Variants in XXYLT1 observed in about 807,000 individuals in gnomAD.
XXYLT1 encodes the protein UDP-xylose:alpha-xyloside alpha-1,3-xylosyltransferase.
XXYLT1 carries 20 observed loss-of-function variants against 28.9 expected under a neutral mutation model. The ratio of observed to expected loss-of-function variants is 0.69; its 90% CI spans 0.49 to 1.00. The LOEUF (loss-of-function observed/expected upper bound fraction) is 1.00. XXYLT1 is among the 50% of genes least tolerant of loss of function. The pLI is 0.00. For missense variants in XXYLT1, 542 were observed against 560.1 expected, an observed-to-expected ratio of 0.97 and a Z score of 0.33; for synonymous variants, 257 against 253.8, an observed-to-expected ratio of 1.01 and a Z score of -0.12.
At chr3:195,254,139 GAGACTCTGGCCACAGACGTCAGC>G (rs982661023) in intron 1 of XXYLT1, among the ~76,000 whole-genome samples, 2 of 152,234 alleles carry the variant, frequency 1.3e-5, no homozygotes, top group Non-Finnish European at 2.9e-5. Context: ...TCAGCGCTTG[GAGACTCTGGCCACAGACGTCAGC>G]AGTGACTGCC....
Position 195,110,338 on chromosome 3 carries a change from T to C in XXYLT1, c.786-40227A>G, listed in dbSNP as rs1717531404. 5.8e-5 allele frequency among the ~76,000 whole-genome samples: 2 copies of C among 34,684 alleles called. 1 individual carries two copies. Among genetic ancestry groups the C allele is most frequent in the African/African-American group, 2.0e-4 (2 of 10,222 alleles). 22.8% of individuals were successfully genotyped at this position (34,684 alleles called of 152,430 possible). A position where few individuals can be genotyped will look rare whatever the true frequency, so the allele number is the denominator to read the frequency against. On this transcript the variant is annotated intron_variant, in intron 3 of 3. Transcript: ENST00000310380. ...TGTGGGTGAGGGTGAGGTGTGTGTA[T>C]GTGTGTGGTGTGTGGTGTATGTGCG...
intron 3 of XXYLT1, among the ~76,000 whole-genome samples, chr3:195,110,248 G>GT (rs1717482012): frequency 2.3e-5 from 1 of 42,818 alleles, no homozygotes; most frequent in Non-Finnish European, 5.1e-5. Context: ...GTGCGTGTGT[G>GT]GGTGAAGTGT....
chr3:195,164,400 C>A (rs1052398392), intron 2 of XXYLT1, among the ~76,000 whole-genome samples: 3 of 152,260 alleles, frequency 2.0e-5, no homozygotes, highest in African/African-American at 7.2e-5. Context: ...CCCAGTTGGT[C>A]TATCAACAAG....
rs1723255492 is a variant in XXYLT1, at chr3:195,210,245, C to T, written c.652+16464G>A. On this transcript the variant is annotated intron_variant, in intron 2 of 3. Coordinates refer to ENST00000310380, the MANE Select transcript of XXYLT1 (RefSeq NM_152531.5). This position sits in a 1 kb window ranked among gnomAD's most constrained non-coding sequence, Gnocchi z 4.8. Reference sequence around the variant, plus strand: ...CTCCGTGCAAACAACCCCCACACCCCGCTGAAGTCAGGACAGGACAGGACG... The same window carrying T: ...CTCCGTGCAAACAACCCCCACACCCTGCTGAAGTCAGGACAGGACAGGACG... Among the ~76,000 whole-genome samples the T allele has an allele frequency of 6.6e-6, 1 of 152,328 alleles. No homozygotes were observed. The highest frequency in any genetic ancestry group is 1.9e-4 in the East Asian group (1 of 5,184).
At chr3:195,259,672 G>A (rs570315870) in intron 1 of XXYLT1, 2 of 984,722 alleles carry the variant, frequency 2.0e-6, no homozygotes, top group African/African-American at 3.5e-5. Context: ...TAAGGACGCC[G>A]GGCTCCAGGC....
intron 3 of XXYLT1, among the ~76,000 whole-genome samples, chr3:195,143,338 G>A (rs1719589994): frequency 6.6e-6 from 1 of 152,154 alleles, no homozygotes; most frequent in Non-Finnish European, 1.5e-5. Flanking sequence ...GTCTCAACCT[G>A]GCCATTCTTG....
intron 1 of XXYLT1, among the ~76,000 whole-genome samples, chr3:195,262,482 A>G (rs546935204): frequency 8.3e-5 from 10 of 120,892 alleles, no homozygotes; most frequent in Non-Finnish European, 1.4e-4. Flanking sequence ...TACATGAATT[A>G]TATTTCAATT....
chr3:195,080,504 A>G (rs1715372344), intron 3 of XXYLT1, among the ~76,000 whole-genome samples: 2 of 141,022 alleles, frequency 1.4e-5, no homozygotes, highest in South Asian at 2.6e-4. Context: ...GCCCCAGCTC[A>G]GCTCCACAAC....
intron 2 of XXYLT1, among the ~76,000 whole-genome samples, chr3:195,204,621 C>T (rs936750766): frequency 2.0e-5 from 3 of 152,198 alleles, no homozygotes; most frequent in African/African-American, 7.2e-5. Flanking sequence ...CGTGCCGAAG[C>T]CTGGTCTGTG....
Position 195,124,686 on chromosome 3 carries a change from A to G in XXYLT1, c.785+31763T>C, listed in dbSNP as rs1261397341. Among the ~76,000 whole-genome samples, 3 of 152,142 alleles carry G rather than the reference A, an allele frequency of 2.0e-5. No individual in the cohort carries two copies. Among genetic ancestry groups the G allele is most frequent in the Non-Finnish European group, 4.4e-5 (3 of 68,020 alleles). ...CTGTCAACTTCCAAAAACCCAAGAC[A>G]CTTTGAACCCCGTGGGAGTGTGGAC... is the stretch of plus-strand genomic sequence containing the variant. On this transcript the variant is annotated intron_variant, in intron 3 of 3. Coordinates refer to ENST00000310380, the MANE Select transcript of XXYLT1 (RefSeq NM_152531.5). This position sits in a 1 kb window ranked among gnomAD's most constrained non-coding sequence, Gnocchi z 4.1.
intron 3 of XXYLT1, among the ~76,000 whole-genome samples, chr3:195,080,060 G>T (rs946425901): frequency 6.6e-6 from 1 of 152,184 alleles, no homozygotes; most frequent in Admixed American, 6.5e-5. Flanking sequence ...GAATTTAGGA[G>T]AATGTTGGAT....
chr3:195,150,416 G>A lies in XXYLT1; in HGVS notation c.785+6033C>T, dbSNP rs1720135108. On this transcript the variant is annotated intron_variant, in intron 3 of 3. Coordinates refer to ENST00000310380, the MANE Select transcript of XXYLT1 (RefSeq NM_152531.5). The surrounding 1 kb of genome is among the most constrained non-coding windows in gnomAD (Gnocchi z 4.7). ...GAGCCCAGCACCAGTCCTTGGAGTG[G>A]GATGACGCAGCCTGCAGAGAAGCTT... Among the ~76,000 whole-genome samples, 1 of 152,176 alleles carries A rather than the reference G, an allele frequency of 6.6e-6. No individual in the cohort carries two copies. Among genetic ancestry groups the A allele is most frequent in the South Asian group, 2.1e-4 (1 of 4,832 alleles).
intron 1 of XXYLT1, among the ~76,000 whole-genome samples, chr3:195,265,502 C>T (rs1409021205): frequency 1.3e-5 from 2 of 152,156 alleles, no homozygotes; most frequent in African/African-American, 4.8e-5. Context: ...AGGCAAATAC[C>T]ACAAAGAAGC....
chr3:195,116,369 A>C (rs1257145478), intron 3 of XXYLT1, among the ~76,000 whole-genome samples: 1 of 147,830 alleles, frequency 6.8e-6, no homozygotes, highest in Non-Finnish European at 1.5e-5. Context: ...GGATCTCGTT[A>C]AAATGTAGAT....
chr3:195,134,874 TGCGCGCGTGC>T (rs201830154), intron 3 of XXYLT1, among the ~76,000 whole-genome samples: 3 of 128,924 alleles, frequency 2.3e-5, no homozygotes. Flanking sequence ...TGTGTGCGTG[TGCGCGCGTGC>T]GCGCACGTGC....
At chr3:195,112,634 C>G in intron 3 of XXYLT1, among the ~76,000 whole-genome samples, 1 of 150,570 alleles carries the variant, frequency 6.6e-6, no homozygotes, top group Non-Finnish European at 1.5e-5. Context: ...CACACACACC[C>G]CCATGCACAC....
chr3:195,248,001 A>G (rs917325911), intron 1 of XXYLT1: 4 of 533,182 alleles, frequency 7.5e-6, no homozygotes, highest in African/African-American at 5.8e-5. Flanking sequence ...GGGGATTACA[A>G]TTTGAGGTGA....
At chr3:195,109,453 G>A (rs949553204) in intron 3 of XXYLT1, among the ~76,000 whole-genome samples, 3 of 151,360 alleles carry the variant, frequency 2.0e-5, no homozygotes, top group Admixed American at 2.0e-4. Flanking sequence ...TGGTATATGT[G>A]TGCGTGTATG....
chr3:195,171,290 A>G (rs1219095771), intron 2 of XXYLT1, among the ~76,000 whole-genome samples: 1 of 152,202 alleles, frequency 6.6e-6, no homozygotes. Flanking sequence ...GCAGGTTCTG[A>G]ACGGCCAAGC....
Sources: allele counts gnomAD v4.1 joint callset (sites outside exome capture counted in the v4.1 genomes callset), GRCh38; gene constraint gnomAD v4.1.1; non-coding constraint Gnocchi (gnomAD v3.1); transcripts MANE v1.5; gene names NCBI Gene and HGNC (gene_info 2026-07-23, HGNC 2026-07-21).